Variants in TUT4 observed in about 807,000 individuals in gnomAD.
TUT4 encodes terminal uridylyltransferase 4.
In TUT4, 36 loss-of-function variants were observed where a neutral mutation model predicts 192.2. That is an observed-to-expected ratio of 0.19 (90% confidence interval 0.14 to 0.25). The LOEUF (loss-of-function observed/expected upper bound fraction) is 0.25, where lower values mean the gene tolerates loss of function less well. Ranked by LOEUF, TUT4 falls within the 10% of genes least tolerant of loss-of-function variation. The probability of loss-of-function intolerance (pLI) is 1.00; values close to 1 mark genes in which losing one functional copy is unlikely to be tolerated. For synonymous variants in TUT4, 618 were observed against 666.0 expected (o/e 0.93, Z 1.11); for missense variants, 1,493 against 1,957.2 (o/e 0.76, Z 4.47).
At chr1:52,480,054 G>A (rs2148950443) in intron 11 of TUT4, among the ~76,000 whole-genome samples, 1 of 151,832 alleles carries the variant, frequency 6.6e-6, no homozygotes, top group Admixed American at 6.6e-5. Context: ...CAATAAATGG[G>A]CAGTTGGTTA....
At chr1:52,426,462 T>C (rs1649977567) in intron 28 of TUT4, among the ~76,000 whole-genome samples, 1 of 152,118 alleles carries the variant, frequency 6.6e-6, no homozygotes, top group South Asian at 2.1e-4. Context: ...TCATTCAGAG[T>C]CACAGTGTGC....
At chr1:52,535,402 C>T (rs1684639373) in intron 1 of TUT4, among the ~76,000 whole-genome samples, 1 of 152,130 alleles carries the variant, frequency 6.6e-6, no homozygotes, top group South Asian at 2.1e-4. Flanking sequence ...TCACAGCACT[C>T]TGATCTTGTT....
chr1:52,474,383 T>C (rs1666572164), intron 13 of TUT4, among the ~76,000 whole-genome samples: 4 of 152,354 alleles, frequency 2.6e-5, no homozygotes, highest in South Asian at 2.1e-4. Context: ...CTACCTTTAG[T>C]ATGCTTATAT....
At chr1:52,434,804 C>T (rs1653247723) in intron 27 of TUT4, 2 of 152,016 alleles carry the variant, frequency 1.3e-5, no homozygotes, top group Non-Finnish European at 2.9e-5. Context: ...CACGCCACTG[C>T]ACTCCAGCCT....
intron 2 of TUT4, among the ~76,000 whole-genome samples, chr1:52,524,738 G>A (rs1681250692): frequency 6.6e-6 from 1 of 152,098 alleles, no homozygotes; most frequent in African/African-American, 2.4e-5. Flanking sequence ...GGGAGGCGGA[G>A]GTTGCAGTGA....
At chr1:52,552,432 C>T (rs763818694) in intron 1 of TUT4, among the ~76,000 whole-genome samples, 2 of 152,190 alleles carry the variant, frequency 1.3e-5, no homozygotes, top group Non-Finnish European at 2.9e-5. Flanking sequence ...CTTCTCCCTA[C>T]AAGGACGAGC....
chr1:52,511,101 C>T (rs1346816054), intron 3 of TUT4, among the ~76,000 whole-genome samples: 1 of 152,146 alleles, frequency 6.6e-6, no homozygotes, highest in African/African-American at 2.4e-5. Flanking sequence ...CCAAATTTAG[C>T]AACAATCCTG....
chr1:52,477,692 C>G lies in TUT4; in HGVS notation c.2023+16G>C. 1 of 1,595,804 alleles carries G rather than the reference C, an allele frequency of 6.3e-7. No homozygotes were observed. Among genetic ancestry groups the G allele is most frequent in the Non-Finnish European group, 8.5e-7 (1 of 1,171,994 alleles). On this transcript the variant is annotated intron_variant, in intron 12 of 29. Coordinates refer to ENST00000257177, the MANE Select transcript of TUT4 (RefSeq NM_001009881.3). Reference sequence around the variant, plus strand: ...TAAAAAATATTCTCCAAATGAAATACAACATATCATCTCACCTTCAATGGC... The same window carrying G: ...TAAAAAATATTCTCCAAATGAAATAGAACATATCATCTCACCTTCAATGGC...
intron 20 of TUT4, among the ~76,000 whole-genome samples, chr1:52,457,205 G>A (rs1661218974): frequency 6.6e-6 from 1 of 151,680 alleles, no homozygotes; most frequent in Admixed American, 6.6e-5. Context: ...CCTACTATAT[G>A]GCTTATAATT....
chr1:52,526,572 G>A (rs1025922580), intron 1 of TUT4, among the ~76,000 whole-genome samples, 199 bp from the exon 2 acceptor site: 13 of 151,084 alleles, frequency 8.6e-5, no homozygotes, highest in African/African-American at 2.9e-4. Context: ...TGCTCATCAA[G>A]GGAATTCTAA....
At position 52,427,049 on chromosome 1, in the gene TUT4, A is replaced by G. The variant is rs187354221; in HGVS notation, c.4712-1542T>C. Among the ~76,000 whole-genome samples, 6 of 152,334 alleles carry G rather than the reference A, an allele frequency of 3.9e-5. 1 individual carries two copies. In the South Asian group the frequency reaches 8.3e-4, roughly 21 times the overall value. ...ATAGCTTATTAGATAATAATACTAT[A>G]TAACAGGAACATGGCAGGCTACTAA... On this transcript the variant is annotated intron_variant, in intron 28 of 29. Coordinates refer to ENST00000257177, the MANE Select transcript of TUT4 (RefSeq NM_001009881.3).
intron 14 of TUT4, among the ~76,000 whole-genome samples, chr1:52,468,898 C>G (rs1411809514): frequency 6.6e-6 from 1 of 152,196 alleles, no homozygotes; most frequent in African/African-American, 2.4e-5. Context: ...TTTTCCCTAT[C>G]TCTTCCAGAC....
At chr1:52,446,225 A>G (rs759517060) in intron 22 of TUT4, 40 bp downstream of exon 22, 29 of 1,569,504 alleles carry the variant, frequency 1.8e-5, no homozygotes, top group Non-Finnish European at 2.3e-5. Context: ...CGTTGACCAA[A>G]TTTTGGTTGC....
intron 11 of TUT4, among the ~76,000 whole-genome samples, chr1:52,479,747 C>A (rs1668000347): frequency 1.3e-5 from 2 of 152,106 alleles, no homozygotes; most frequent in South Asian, 4.1e-4. Context: ...GTAATCCCAG[C>A]ACTTTGGGAG....
chr1:52,490,793 C>T lies in TUT4; in HGVS notation c.1327G>A (p.Val443Ile). 1 of 1,609,034 alleles carries T rather than the reference C, an allele frequency of 6.2e-7. No homozygotes were observed. The highest frequency in any genetic ancestry group is 8.5e-7 in the Non-Finnish European group (1 of 1,177,488). The part of the protein sequence containing the change: ...LGILKKNVLY[V>I]DVESDFHAKV... ...GCGTGAAAATCAGATTCCACATCTA[C>T]ATATAATACTAATAAGGAAAAAAAA... Residue 443 changes from valine to isoleucine, a missense_variant, in exon 8 of 30, where the codon GTA (valine) becomes ATA (isoleucine). Val to Ile is a conservative substitution (Grantham distance 29). Coordinates refer to ENST00000257177, the MANE Select transcript of TUT4 (RefSeq NM_001009881.3).
At chr1:52,514,387 G>T (rs1432938178) in intron 3 of TUT4, among the ~76,000 whole-genome samples, 1 of 152,194 alleles carries the variant, frequency 6.6e-6, no homozygotes, top group Admixed American at 6.5e-5. Flanking sequence ...GTTGCAGTGA[G>T]CTGAGATCAT....
intron 28 of TUT4, among the ~76,000 whole-genome samples, chr1:52,426,910 CTA>C (rs1443596400): frequency 1.3e-5 from 2 of 152,086 alleles, no homozygotes; most frequent in Non-Finnish European, 2.9e-5. Context: ...TCCGATACAA[CTA>C]TGATTATTAT....
At chr1:52,487,410 C>T (rs1482661783) in intron 9 of TUT4, among the ~76,000 whole-genome samples, 1 of 152,014 alleles carries the variant, frequency 6.6e-6, no homozygotes, top group Middle Eastern at 3.2e-3. Context: ...CGTGATCGCT[C>T]ACTCCAGCAC....
At chr1:52,443,166 C>T (rs1278302727) in intron 24 of TUT4, among the ~76,000 whole-genome samples, 5 of 151,864 alleles carry the variant, frequency 3.3e-5, no homozygotes, top group African/African-American at 4.8e-5. Context: ...GCCTGTAATC[C>T]CAGCTACTTG....
Sources: allele counts gnomAD v4.1 joint callset (sites outside exome capture counted in the v4.1 genomes callset), GRCh38; gene constraint gnomAD v4.1.1; transcripts MANE v1.5; gene names NCBI Gene and HGNC (gene_info 2026-07-23, HGNC 2026-07-21).